The following USP30 variants were observed in gnomAD, a reference collection of about 807,000 sequenced individuals.
USP30 encodes the protein ubiquitin carboxyl-terminal hydrolase 30.
A neutral mutation model predicts 68.2 loss-of-function variants in USP30; 41 were observed. That is an observed-to-expected ratio of 0.60 (90% CI 0.47 to 0.78). The LOEUF is 0.78. Among genes scored for constraint, USP30 ranks in the 30% least tolerant of loss-of-function variants. The pLI is 0.00. For synonymous variants in USP30, 229 were observed against 253.7 expected, an observed-to-expected ratio of 0.90 and a Z score of 0.93; for missense variants, 522 against 649.4, an observed-to-expected ratio of 0.80 and a Z score of 2.13.
At chr12:109,034,034 G>A (rs1270524978) in intron 3 of USP30, among the ~76,000 whole-genome samples, 2 of 152,178 alleles carry the variant, frequency 1.3e-5, no homozygotes, top group Non-Finnish European at 2.9e-5. Flanking sequence ...CATAAACAAG[G>A]GGAAGAGGTA....
rs977969252 is a variant in USP30 at position 109,086,967 on chromosome 12, A to G, written c.*1036A>G. 1.3e-5 allele frequency: 2 copies of G among 152,164 alleles called. No individual in the cohort carries two copies. The highest frequency in any genetic ancestry group is 4.8e-5 in the African/African-American group (2 of 41,440). 9.4% of individuals were successfully genotyped at this position (152,164 alleles called of 1,614,324 possible). A position where few individuals can be genotyped will look rare whatever the true frequency, so the allele number is the denominator to read the frequency against. ...TTAGATTTGATGACCACCAAAGTTCAGCCCTTTTCACGAAAAGGAGAAAGC... is the reference window on the plus strand; with the variant it reads ...TTAGATTTGATGACCACCAAAGTTCGGCCCTTTTCACGAAAAGGAGAAAGC... On this transcript the variant is annotated 3_prime_UTR_variant, in exon 13 of 13. Coordinates refer to ENST00000257548, the MANE Select transcript of USP30 (RefSeq NM_032663.5).
chr12:109,057,906 T>C lies in USP30; in HGVS notation c.194-20T>C. 6.2e-7 allele frequency: 1 copy of C among 1,608,620 alleles called. No individual in the cohort carries two copies. Among genetic ancestry groups the C allele is most frequent in the Non-Finnish European group, 8.5e-7 (1 of 1,177,682 alleles). On this transcript the variant is annotated intron_variant, in intron 2 of 12. Coordinates refer to ENST00000257548, the MANE Select transcript of USP30 (RefSeq NM_032663.5). Reference sequence around the variant, plus strand: ...CAAATGTGATATACTGTTCTCTTCTTCCCCCTGCTTTTTTTTTAGGGCTTG... The same window carrying C: ...CAAATGTGATATACTGTTCTCTTCTCCCCCCTGCTTTTTTTTTAGGGCTTG...
At chr12:109,037,972 A>C (rs2040533331) in intron 3 of USP30, among the ~76,000 whole-genome samples, 1 of 152,124 alleles carries the variant, frequency 6.6e-6, no homozygotes, top group African/African-American at 2.4e-5. Context: ...AATTTTTCAA[A>C]GCCCCTGAAT....
rs61760225 is a variant in USP30 at position 109,085,808 on chromosome 12, C to T, written c.1431C>T (p.Ser477=). Residue 477 remains serine (S), a synonymous_variant, in exon 13 of 13, where the codon TCC becomes TCT. Coordinates refer to ENST00000257548, the MANE Select transcript of USP30 (RefSeq NM_032663.5). ...LSTSNQWLWV[S]DDTVRKASLQ... ...CTAGCAATCAGTGGCTGTGGGTCTC[C>T]GATGACACTGTCCGCAAGGCCAGCC... is the stretch of plus-strand genomic sequence containing the variant. The T allele has an allele frequency of 2.9e-4, 466 of 1,614,196 alleles. 4 individuals are homozygous for T. The South Asian group carries it at 4.6e-3, about 16-fold the overall frequency.
intron 3 of USP30, among the ~76,000 whole-genome samples, chr12:109,043,122 C>G (rs543709348): frequency 2.6e-5 from 4 of 152,118 alleles, no homozygotes; most frequent in Non-Finnish European, 5.9e-5. Flanking sequence ...AAACACATCC[C>G]AAGTCCATGG....
intron 9 of USP30, 25 bp downstream of exon 9, chr12:109,082,044 TCG>T (rs903916939): frequency 4.7e-5 from 75 of 1,612,728 alleles, no homozygotes; most frequent in Non-Finnish European, 6.3e-5. Flanking sequence ...CCAAATGTCA[TCG>T]CCAGCTGGCC....
intron 3 of USP30, among the ~76,000 whole-genome samples, chr12:109,063,306 G>A (rs1233880839): frequency 6.6e-6 from 1 of 152,030 alleles, no homozygotes; most frequent in Admixed American, 6.6e-5. Context: ...TTACCACATT[G>A]GCCAGGCTAA....
At chr12:109,081,791 C>T in intron 8 of USP30, 142 bp from the exon 9 acceptor site, 1 of 827,098 alleles carries the variant, frequency 1.2e-6, no homozygotes, top group South Asian at 1.6e-5. Flanking sequence ...CATGTTTGTC[C>T]AGGAAACATC....
chr12:109,030,962 A>G (rs189517650), intron 3 of USP30, among the ~76,000 whole-genome samples: 16 of 152,312 alleles, frequency 1.1e-4, no homozygotes, highest in African/African-American at 3.8e-4. Flanking sequence ...ATCAAGTTGT[A>G]CATCTTAAAT....
At chr12:109,051,142 G>C (rs1335010236), upstream of USP30, among the ~76,000 whole-genome samples, 1 of 151,914 alleles carries the variant, frequency 6.6e-6, no homozygotes, top group Non-Finnish European at 1.5e-5. Context: ...CTCTCACCTG[G>C]CCTCCCAAAG....
At chr12:109,045,082 G>A (rs948690266) in intron 3 of USP30, among the ~76,000 whole-genome samples, 2 of 144,958 alleles carry the variant, frequency 1.4e-5, no homozygotes, top group African/African-American at 2.6e-5. Context: ...GGTTCTAAGC[G>A]ATTCTCCTGA....
chr12:109,083,533 A>T (rs2041865449), intron 11 of USP30, among the ~76,000 whole-genome samples: 1 of 152,124 alleles, frequency 6.6e-6, no homozygotes. Flanking sequence ...CTGAGGTCTC[A>T]TTTAAGCCGG....
At chr12:109,075,786 T>C (rs1052668043) in intron 7 of USP30, among the ~76,000 whole-genome samples, 1 of 152,186 alleles carries the variant, frequency 6.6e-6, no homozygotes, top group Non-Finnish European at 1.5e-5. Flanking sequence ...TATGTCTTTT[T>C]TTTGCAAAGT....
chr12:109,058,924 G>C (rs534979700), intron 3 of USP30, among the ~76,000 whole-genome samples: 3 of 152,246 alleles, frequency 2.0e-5, no homozygotes, highest in African/African-American at 7.2e-5. Context: ...CGCTGAGAGG[G>C]GTGTAACTTA....
At chr12:109,028,721 C>A (rs1247104676) in intron 3 of USP30, among the ~76,000 whole-genome samples, 1 of 152,126 alleles carries the variant, frequency 6.6e-6, no homozygotes, top group Non-Finnish European at 1.5e-5. Flanking sequence ...AGGTGATCCA[C>A]CCCCCTCAGC....
At chr12:109,071,277 T>C (rs936376229) in intron 4 of USP30, among the ~76,000 whole-genome samples, 2 of 152,240 alleles carry the variant, frequency 1.3e-5, no homozygotes, top group African/African-American at 2.4e-5. Context: ...TGTTATGATA[T>C]GTGTATTTTA....
chr12:109,036,454 C>T (rs4296113), intron 3 of USP30, among the ~76,000 whole-genome samples: 109,507 of 151,798 alleles, frequency 0.72, 40,482 homozygotes, highest in East Asian at 0.97. Context: ...GTGTGAACCA[C>T]GCCCAGCTAA....
chr12:109,026,536 T>G lies in USP30; in HGVS notation c.-227-929T>G, dbSNP rs112659795. On this transcript the variant is annotated intron_variant, in intron 2 of 15. Coordinates refer to the USP30 transcript ENST00000392784. ...ATGCAGTGACATGATCATGGCTCACTGCAGCCTCAACCTCCCAAGCTCAAG... is the reference window on the plus strand; with the variant it reads ...ATGCAGTGACATGATCATGGCTCACGGCAGCCTCAACCTCCCAAGCTCAAG... 3.1e-3 allele frequency among the ~76,000 whole-genome samples: 477 copies of G among 151,992 alleles called. 3 individuals carry two copies. The highest frequency in any genetic ancestry group is 0.027 in the South Asian group (130 of 4,794).
chr12:109,064,918 GA>G (rs962212676), intron 3 of USP30, among the ~76,000 whole-genome samples: 10 of 152,188 alleles, frequency 6.6e-5, no homozygotes, highest in Admixed American at 3.3e-4. Context: ...ATGGGAGAAA[GA>G]TGTGGTTCAT....
Sources: allele counts gnomAD v4.1 joint callset (sites outside exome capture counted in the v4.1 genomes callset), GRCh38; gene constraint gnomAD v4.1.1; transcripts MANE v1.5; gene names NCBI Gene and HGNC (gene_info 2026-07-23, HGNC 2026-07-21).